The following AARS2 variants were observed in gnomAD, a reference collection of about 807,000 sequenced individuals.
AARS2 encodes alanyl-tRNA synthetase 2, mitochondrial, also known as alanine--tRNA ligase, mitochondrial.
In AARS2, 78 loss-of-function variants were observed where a neutral mutation model predicts 119.7. The ratio of observed to expected loss-of-function variants is 0.65; its 90% CI spans 0.54 to 0.79. The LOEUF (loss-of-function observed/expected upper bound fraction) is 0.79. AARS2 is among the 30% of genes least tolerant of loss of function. AARS2 has a pLI of 0.00. For missense variants in AARS2, 1,157 were observed against 1,291.3 expected, an observed-to-expected ratio of 0.90 and a Z score of 1.59; for synonymous variants, 502 against 526.3, an observed-to-expected ratio of 0.95 and a Z score of 0.63.
At chr6:44,302,746 C>A in intron 17 of AARS2, 56 bp downstream of exon 17, 7 of 1,536,638 alleles carry the variant, frequency 4.6e-6, no homozygotes, top group South Asian at 1.2e-5. Context: ...ATGTCACCTG[C>A]GTGTGTCCCA....
In AARS2 at chr6:44,312,270, G is replaced by A. The variant is rs200662122; in HGVS notation, c.244-7C>T. On this transcript the variant is annotated splice_polypyrimidine_tract_variant and splice_region_variant and intron_variant, in intron 1 of 21. Transcript: ENST00000244571. ...CCAGAAAGATTGGCTTGAACTGGAA[G>A]CACATAGAGTGGGGAGGGGGAGAGG... The A allele has an allele frequency of 4.9e-5, 79 of 1,613,230 alleles. No homozygotes were observed. The highest frequency in any genetic ancestry group is 6.7e-5 in the Non-Finnish European group (79 of 1,179,204).
chr6:44,302,520 G>A lies in AARS2; in HGVS notation c.2365-7C>T. The A allele has an allele frequency of 6.2e-7, 1 of 1,613,986 alleles. No individual in the cohort carries two copies. Among genetic ancestry groups the A allele is most frequent in the South Asian group, 1.1e-5 (1 of 91,076 alleles). The stretch of plus-strand genomic sequence containing the variant: ...TCTGGCCTAGCTCTCGGGCCTGCAG[G>A]GAGGGGACAGGAGGGTCAGGATTAC... On this transcript the variant is annotated splice_region_variant and splice_polypyrimidine_tract_variant and intron_variant, in intron 17 of 21. Coordinates refer to ENST00000244571, the MANE Select transcript of AARS2 (RefSeq NM_020745.4).
At position 44,299,092 on chromosome 6, in the gene AARS2, T is replaced by G. The variant is rs1284187153; in HGVS notation, c.*1455A>C. 6.6e-6 allele frequency among the ~76,000 whole-genome samples: 1 copy of G among 152,162 alleles called. No homozygotes were observed. Among genetic ancestry groups the G allele is most frequent in the Non-Finnish European group, 1.5e-5 (1 of 68,042 alleles). On this transcript the variant is annotated 3_prime_UTR_variant, in exon 22 of 22. Transcript: ENST00000244571. ...CACCTCACGGCCTCTGCATTGGCTG[T>G]TCCCTCAGGCTGGAATGCTTTTCCC... is the stretch of plus-strand genomic sequence containing the variant.
Position 44,304,344 on chromosome 6 carries a change from C to T in AARS2, c.1867-23G>A, listed in dbSNP as rs776406046. ...GGCCTGAAATACTTTTGTCACCCAG[C>T]GTCCTGGGTGAGGGCAGGGGGTTGG... On this transcript the variant is annotated intron_variant, in intron 13 of 21. Transcript: ENST00000244571. 2.7e-5 allele frequency: 43 copies of T among 1,614,004 alleles called. No homozygotes were observed. The Admixed American group carries it at 4.2e-4, about 16-fold the overall frequency.
Position 44,302,129 on chromosome 6 carries a change from C to T in AARS2, c.2529G>A (p.Glu843=). ...TAVMPQWQRR[E]LLATVKMLQR... is the part of the protein sequence containing the mutation. ...GCAGCATCTTCACTGTGGCCAGCAG[C>T]TCCCGCCGCTGCCACTGGGGCATCA... Residue 843 remains glutamate, a synonymous_variant, in exon 19 of 22, where the codon GAG becomes GAA. Coordinates refer to ENST00000244571, the MANE Select transcript of AARS2 (RefSeq NM_020745.4). The T allele has an allele frequency of 1.2e-6, 2 of 1,613,190 alleles. No homozygotes were observed. Among genetic ancestry groups the T allele is most frequent in the Non-Finnish European group, 1.7e-6 (2 of 1,179,948 alleles).
intron 18 of AARS2, 28 bp from the exon 19 acceptor site, chr6:44,302,198 T>C: frequency 1.2e-6 from 2 of 1,613,110 alleles, no homozygotes; most frequent in Non-Finnish European, 1.7e-6. Context: ...ACATCACCCC[T>C]GCCCTTCCCT....
chr6:44,306,446 T>A, intron 8 of AARS2, 48 bp downstream of exon 8: 6 of 1,614,020 alleles, frequency 3.7e-6, no homozygotes, highest in Non-Finnish European at 5.1e-6. Flanking sequence ...AGGGTCTCTC[T>A]CCACAACTCT....
rs1230469101 is a variant in AARS2 at position 44,312,293 on chromosome 6, A to C, written c.244-30T>G. 1.9e-6 allele frequency: 3 copies of C among 1,604,684 alleles called. No individual in the cohort carries two copies. In the East Asian group the frequency reaches 6.7e-5, roughly 36 times the overall value. The stretch of plus-strand genomic sequence containing the variant: ...AAGCACATAGAGTGGGGAGGGGGAG[A>C]GGGATATCCAATTTCTCAGTAGAAG... On this transcript the variant is annotated intron_variant, in intron 1 of 21. Coordinates refer to ENST00000244571, the MANE Select transcript of AARS2 (RefSeq NM_020745.4).
rs372264863 is a variant in AARS2, at chr6:44,304,606, C to A, written c.1752+39G>T. ...GGCTCCCACTCAGGCTTGGGTCTGCCGCCCACAGAAATCAGCCTGGGTTGT... is the reference window on the plus strand; with the variant it reads ...GGCTCCCACTCAGGCTTGGGTCTGCAGCCCACAGAAATCAGCCTGGGTTGT... On this transcript the variant is annotated intron_variant, in intron 12 of 21. Coordinates refer to ENST00000244571, the MANE Select transcript of AARS2 (RefSeq NM_020745.4). The A allele has an allele frequency of 2.5e-6, 4 of 1,614,014 alleles. No individual in the cohort carries two copies. In the African/African-American group the frequency reaches 5.3e-5, roughly 22 times the overall value.
intron 5 of AARS2, among the ~76,000 whole-genome samples, chr6:44,309,907 T>C (rs1173173724): frequency 6.6e-6 from 1 of 152,206 alleles, no homozygotes; most frequent in Non-Finnish European, 1.5e-5. Context: ...TCCTAGTTAC[T>C]TTCACCCATG....
At position 44,301,390 on chromosome 6, in the gene AARS2, C is replaced by T; in HGVS notation, c.2673G>A (p.Glu891=). The T allele has an allele frequency of 1.2e-6, 2 of 1,614,020 alleles. No individual in the cohort carries two copies. The highest frequency in any genetic ancestry group is 1.7e-6 in the Non-Finnish European group (2 of 1,180,028). Residue 891 remains glutamate (E), a synonymous_variant, in exon 20 of 22, where the codon GAG becomes GAA. Coordinates refer to ENST00000244571, the MANE Select transcript of AARS2 (RefSeq NM_020745.4). Reference sequence around the variant, plus strand: ...CTTGGCTAGCACTCACTGAGAGAGACTCAGCAGAGACTGTGTCCACAATCA... The same window carrying T: ...CTTGGCTAGCACTCACTGAGAGAGATTCAGCAGAGACTGTGTCCACAATCA... The part of the protein sequence containing the change: ...GPLIVDTVSA[E]SLSVLVKVVR...
chr6:44,310,439 CCT>C lies in AARS2; in HGVS notation c.752_753del (p.Glu251GlyfsTer34), dbSNP rs1170538003. The stretch of plus-strand genomic sequence containing the variant: ...GGCAGGGGCTGCAGGCTTCCATCTG[CCT>C]CTCTGGCCAGGGAAGGTGTGCAAGG... ...WNLVFMQHNR[E>X]ADGSLQPLPQ... On this transcript the variant is annotated frameshift_variant and splice_region_variant, in exon 5 of 22. Coordinates refer to ENST00000244571, the MANE Select transcript of AARS2 (RefSeq NM_020745.4). LOFTEE classifies it high-confidence loss of function. The C allele has an allele frequency of 1.2e-6, 2 of 1,613,484 alleles. No individual in the cohort carries two copies. Among genetic ancestry groups the C allele is most frequent in the Non-Finnish European group, 1.7e-6 (2 of 1,179,918 alleles).
intron 19 of AARS2, 77 bp from the exon 20 acceptor site, chr6:44,301,541 C>A: frequency 7.3e-7 from 1 of 1,377,698 alleles, no homozygotes. Flanking sequence ...CTGAACTAAG[C>A]CCCAGCTGAG....
At chr6:44,313,035 G>C (rs1786507848) in intron 1 of AARS2, 46 bp downstream of exon 1, 1 of 1,609,682 alleles carries the variant, frequency 6.2e-7, no homozygotes, top group African/African-American at 1.3e-5. Context: ...TTTCTCACCA[G>C]AAAACTCACG....
At position 44,303,143 on chromosome 6, in the gene AARS2, C is replaced by T. The variant is rs1464174231; in HGVS notation, c.2178G>A (p.Val726=). ...VYPDPVRVVS[V]GVPVAHALDP... ...CCAATGCATGGGCCACGGGCACCCC[C>T]ACTGATACCACCCGCACAGGGTCTG... The change falls in exon 16 of 22, where the codon GTG becomes GTA. Residue 726 remains valine (V), a synonymous_variant. Transcript: ENST00000244571. 6.2e-7 allele frequency: 1 copy of T among 1,614,064 alleles called. No homozygotes were observed. Among genetic ancestry groups the T allele is most frequent in the Non-Finnish European group, 8.5e-7 (1 of 1,180,050 alleles).
rs1785779104 is a variant in AARS2 at position 44,305,634 on chromosome 6, G to A, written c.1434+19C>T. On this transcript the variant is annotated intron_variant, in intron 10 of 21. Transcript: ENST00000244571. The surrounding 1 kb of genome is among the most constrained non-coding windows in gnomAD (Gnocchi z 4.6). Reference sequence around the variant, plus strand: ...GAGGTGTCCTAACAGAACCCAGCATGGGGTGCCACAGCTTGTACCTGGGCC... The same window carrying A: ...GAGGTGTCCTAACAGAACCCAGCATAGGGTGCCACAGCTTGTACCTGGGCC... 1.2e-6 allele frequency: 2 copies of A among 1,613,638 alleles called. No homozygotes were observed. Among genetic ancestry groups the A allele is most frequent in the Middle Eastern group, 1.7e-4 (1 of 5,748 alleles).
At chr6:44,301,999 C>A in intron 19 of AARS2, 61 bp downstream of exon 19, 1 of 1,560,660 alleles carries the variant, frequency 6.4e-7, no homozygotes, top group Non-Finnish European at 8.8e-7. Context: ...GCCCTTGAGA[C>A]TTCTCAGTGT....
In AARS2 at chr6:44,306,918, C is replaced by T. The variant is rs1183618531; in HGVS notation, c.1149+5G>A. The T allele has an allele frequency of 6.2e-7, 1 of 1,613,196 alleles. No homozygotes were observed. The highest frequency in any genetic ancestry group is 8.5e-7 in the Non-Finnish European group (1 of 1,179,298). On this transcript the variant is annotated splice_donor_5th_base_variant and intron_variant, in intron 7 of 21. Transcript: ENST00000244571. Reference sequence around the variant, plus strand: ...CCCAGAGTGAAAAAGAAGCTCTGTCCTTACCAGTGTCTCCACCACTACAGG... The same window carrying T: ...CCCAGAGTGAAAAAGAAGCTCTGTCTTTACCAGTGTCTCCACCACTACAGG...
At chr6:44,306,419 T>C in intron 8 of AARS2, 28 bp from the exon 9 acceptor site, 2 of 1,614,006 alleles carry the variant, frequency 1.2e-6, no homozygotes, top group Non-Finnish European at 1.7e-6. Context: ...GAAGTGGAGC[T>C]GGGTCTCCTT....
Sources: gnomAD v4.1 joint callset for allele counts (sites outside exome capture counted in the v4.1 genomes callset) on GRCh38, gnomAD v4.1.1 for gene constraint, Gnocchi (gnomAD v3.1) non-coding constraint, MANE v1.5 for transcripts, NCBI Gene and HGNC (gene_info 2026-07-23, HGNC 2026-07-21) for gene names.